ANXA4: variants seen among roughly 807,000 people sequenced by gnomAD.
ANXA4 encodes the protein annexin A4.
Under a neutral mutation model 49.8 loss-of-function variants are expected in ANXA4, and 39 were observed. The ratio of observed to expected loss-of-function variants is 0.78; its 90% CI spans 0.61 to 1.02. The LOEUF is 1.02. ANXA4 is among the 50% of genes least tolerant of loss of function. ANXA4 has a pLI of 0.00. For missense variants in ANXA4, 360 were observed against 410.1 expected (o/e 0.88, Z 1.05); for synonymous variants, 134 against 152.5 (o/e 0.88, Z 0.89).
chr2:69,757,258 ATATATATAT>A (rs575586241), intron 1 of ANXA4, among the ~76,000 whole-genome samples: 803 of 42,864 alleles, frequency 0.019, 9 homozygotes, highest in African/African-American at 0.094. Context: ...ATATATATAT[ATATATATAT>A]TTTTTTTTTT....
chr2:69,807,464 T>C (rs369848692), intron 5 of ANXA4, among the ~76,000 whole-genome samples: 13 of 152,268 alleles, frequency 8.5e-5, no homozygotes, highest in African/African-American at 3.1e-4. Context: ...TTTCAGTGTA[T>C]TGTACTCCTC....
intron 2 of ANXA4, among the ~76,000 whole-genome samples, chr2:69,716,167 AAG>A (rs147799417): frequency 6.9e-5 from 10 of 145,274 alleles, no homozygotes; most frequent in Non-Finnish European, 7.4e-5. Flanking sequence ...ACATATGAGT[AAG>A]AGAGAGAGAG....
rs370028724 is a variant in ANXA4, at chr2:69,664,347, G to GT, written n.766+11072dup. ...AAATCAAGAAAGCTTTTGTGTGTGT[G>GT]TTTTTTTAAATGAATAGCAAAATGA... On this transcript the variant is annotated intron_variant and non_coding_transcript_variant, in intron 2 of 3. Transcript: ENST00000418066. 6.6e-3 allele frequency among the ~76,000 whole-genome samples: 998 copies of GT among 152,214 alleles called. 10 individuals are homozygous for GT. The highest frequency in any genetic ancestry group is 0.023 in the African/African-American group (950 of 41,544).
intron 2 of ANXA4, among the ~76,000 whole-genome samples, chr2:69,658,137 C>G (rs1676574561): frequency 6.6e-6 from 1 of 152,086 alleles, no homozygotes; most frequent in Non-Finnish European, 1.5e-5. Flanking sequence ...GTGGCACACA[C>G]CTGTAATCCC....
At chr2:69,823,248 T>C (rs1329461659) in intron 12 of ANXA4, among the ~76,000 whole-genome samples, 2 of 151,148 alleles carry the variant, frequency 1.3e-5, no homozygotes, top group Admixed American at 1.3e-4. Flanking sequence ...TATATAAATA[T>C]GTAAATATAT....
intron 2 of ANXA4, among the ~76,000 whole-genome samples, chr2:69,667,807 G>A (rs1676994156): frequency 1.3e-5 from 2 of 152,224 alleles, no homozygotes; most frequent in African/African-American, 2.4e-5. Context: ...ACTTGCTGCT[G>A]CACCCGGAAT....
chr2:69,734,073 TA>T (rs891288244), intron 3 of ANXA4, among the ~76,000 whole-genome samples: 1 of 152,184 alleles, frequency 6.6e-6, no homozygotes, highest in African/African-American at 2.4e-5. Context: ...CAGGGTTGGG[TA>T]CCTTCCAGCA....
intron 2 of ANXA4, among the ~76,000 whole-genome samples, chr2:69,681,322 G>A (rs1426172879): frequency 6.7e-6 from 1 of 148,796 alleles, no homozygotes; most frequent in East Asian, 1.9e-4. Flanking sequence ...ATGATTTTTT[G>A]TATTTCTGTG....
At chr2:69,646,632 A>G (rs1180900340) in intron 1 of ANXA4, among the ~76,000 whole-genome samples, 1 of 152,230 alleles carries the variant, frequency 6.6e-6, no homozygotes, top group Admixed American at 6.5e-5. Flanking sequence ...CTTTGAGGCA[A>G]TAAGATGCCA....
Position 69,653,245 on chromosome 2 carries a change from G to T in ANXA4, n.729G>T, listed in dbSNP as rs139902330. 958 of 152,348 alleles carry T rather than the reference G, an allele frequency of 6.3e-3. 20 individuals are homozygous for T. The highest frequency in any genetic ancestry group is 0.011 in the East Asian group (57 of 5,192). 9.4% of individuals were successfully genotyped at this position (152,348 alleles called of 1,614,324 possible). ...ACCGAAAGTGTTGATCCACAAACCA[G>T]TGCCAGTGCTTGAACTTTGTTACTG... On this transcript the variant is annotated non_coding_transcript_exon_variant, in exon 2 of 4. Coordinates refer to the ANXA4 transcript ENST00000418066.
intron 2 of ANXA4, among the ~76,000 whole-genome samples, chr2:69,656,599 A>G (rs1676507801): frequency 8.0e-6 from 1 of 124,992 alleles, no homozygotes; most frequent in African/African-American, 3.2e-5. Flanking sequence ...ATCCCCCAGG[A>G]TGGAGTTTAG....
At chr2:69,750,137 A>C (rs1670779868) in intron 1 of ANXA4, among the ~76,000 whole-genome samples, 1 of 152,236 alleles carries the variant, frequency 6.6e-6, no homozygotes, top group Non-Finnish European at 1.5e-5. Context: ...ATAGTGTTAC[A>C]GATATCACCT....
intron 2 of ANXA4, among the ~76,000 whole-genome samples, chr2:69,664,788 TC>T (rs1289631627): frequency 3.3e-5 from 5 of 152,164 alleles, no homozygotes; most frequent in Non-Finnish European, 7.4e-5. Flanking sequence ...CGGACGGGTT[TC>T]TGTGACTGCA....
chr2:69,818,794 G>T, intron 10 of ANXA4, 100 bp downstream of exon 10: 1 of 747,036 alleles, frequency 1.3e-6, no homozygotes, highest in East Asian at 2.8e-5. Flanking sequence ...AGAGATAAAA[G>T]TTGTTTATCA....
intron 2 of ANXA4, 136 bp from the exon 3 acceptor site, chr2:69,787,918 A>T (rs1573255477): frequency 1.5e-6 from 1 of 685,592 alleles, no homozygotes; most frequent in Admixed American, 2.7e-5. Flanking sequence ...TTAATTTTTC[A>T]TGGTCACTAC....
chr2:69,668,658 G>A (rs115499267), intron 2 of ANXA4, among the ~76,000 whole-genome samples: 2,081 of 152,124 alleles, frequency 0.014, 47 homozygotes, highest in African/African-American at 0.047. Context: ...ATGAAGTTAG[G>A]TTTCACTGAG....
intron 2 of ANXA4, among the ~76,000 whole-genome samples, chr2:69,681,423 G>A (rs1223914375): frequency 6.8e-6 from 1 of 148,082 alleles, no homozygotes. Context: ...GGAGTGCCGT[G>A]GTGCAATCTC....
intron 7 of ANXA4, among the ~76,000 whole-genome samples, chr2:69,812,121 CT>C (rs1327532159): frequency 0.21 from 28,601 of 138,164 alleles, 3,069 homozygotes; most frequent in African/African-American, 0.29. Context: ...ACCTCCCCAC[CT>C]TTTTTTTTTT....
chr2:69,683,784 A>G (rs777168403), intron 2 of ANXA4, among the ~76,000 whole-genome samples: 13 of 152,216 alleles, frequency 8.5e-5, no homozygotes, highest in Non-Finnish European at 1.3e-4. Context: ...CAACACTTAG[A>G]TGTGAACAAA....
Sources: allele counts gnomAD v4.1 joint callset (sites outside exome capture counted in the v4.1 genomes callset), GRCh38; gene constraint gnomAD v4.1.1; transcripts MANE v1.5; gene names NCBI Gene and HGNC (gene_info 2026-07-23, HGNC 2026-07-21).